BAG3: variants seen among roughly 807,000 people sequenced by gnomAD.
BAG3 encodes the protein BAG cochaperone 3.
A neutral mutation model predicts 40.5 loss-of-function variants in BAG3; 14 were observed. The ratio of observed to expected loss-of-function variants is 0.35; its 90% CI spans 0.23 to 0.54. The LOEUF is 0.54. Ranked by LOEUF, BAG3 falls within the 20% of genes least tolerant of loss-of-function variation. The pLI is 0.91. For synonymous variants in BAG3, 302 were observed against 307.8 expected (o/e 0.98, Z 0.20); for missense variants, 788 against 758.6 (o/e 1.04, Z -0.46).
chr10:119,664,568 G>A (rs937201713), intron 1 of BAG3, among the ~76,000 whole-genome samples: 1 of 152,136 alleles, frequency 6.6e-6, no homozygotes, highest in African/African-American at 2.4e-5. Context: ...GCAGTCATCT[G>A]CTTGGTCACC....
chr10:119,661,956 C>T (rs936907545), intron 1 of BAG3, among the ~76,000 whole-genome samples: 1 of 152,120 alleles, frequency 6.6e-6, no homozygotes, highest in South Asian at 2.1e-4. Flanking sequence ...ATCAAATGGG[C>T]AGTAATACTT....
At position 119,669,893 on chromosome 10, in the gene BAG3, A is replaced by G; in HGVS notation, c.223A>G (p.Arg75Gly). ...SANGPSREGSRLPPAREGHPV... is the reference protein window; with the variant it reads ...SANGPSREGSGLPPAREGHPV... ...CAATGGCCCTTCCCGGGAGGGCTCTAGGCTGCCGCCTGCTAGGGAAGGCCA... is the reference window on the plus strand; with the variant it reads ...CAATGGCCCTTCCCGGGAGGGCTCTGGGCTGCCGCCTGCTAGGGAAGGCCA... Residue 75 changes from arginine (R) to glycine (G), a missense_variant, in exon 2 of 4, where the codon AGG becomes GGG. Physicochemically the swap from Arg to Gly is moderately radical, Grantham distance 125 (BLOSUM62 -2). Coordinates refer to ENST00000369085, the MANE Select transcript of BAG3 (RefSeq NM_004281.4). 6.2e-7 allele frequency: 1 copy of G among 1,614,188 alleles called. No homozygotes were observed. Among genetic ancestry groups the G allele is most frequent in the Non-Finnish European group, 8.5e-7 (1 of 1,180,032 alleles).
intron 1 of BAG3, among the ~76,000 whole-genome samples, chr10:119,659,332 G>T (rs1190698074): frequency 6.6e-6 from 1 of 152,246 alleles, no homozygotes; most frequent in Non-Finnish European, 1.5e-5. Flanking sequence ...TCCCTCAGCT[G>T]TGTCTGTGCA....
At chr10:119,663,554 T>C (rs1184516643) in intron 1 of BAG3, among the ~76,000 whole-genome samples, 1 of 152,100 alleles carries the variant, frequency 6.6e-6, no homozygotes, top group Non-Finnish European at 1.5e-5. Context: ...CCTCAGATGA[T>C]CCACCCGCCT....
intron 1 of BAG3, among the ~76,000 whole-genome samples, chr10:119,659,919 CTTTT>C (rs977233826): frequency 6.7e-6 from 1 of 150,276 alleles, no homozygotes; most frequent in Non-Finnish European, 1.5e-5. Context: ...TGGCTCCGCT[CTTTT>C]TTTTTTCCCC....
At chr10:119,667,874 C>T (rs1847088050) in intron 1 of BAG3, among the ~76,000 whole-genome samples, 1 of 152,230 alleles carries the variant, frequency 6.6e-6, no homozygotes, top group Non-Finnish European at 1.5e-5. Context: ...CTAATGCAGG[C>T]TCCGATTTCG....
rs1458586288 is a variant in BAG3, at chr10:119,677,372, T to C, written c.*90T>C. ...ATTTCAGAGACTTTAAGTCAGTTGG[T>C]TTTTATTAGCTGCTTGGTATGCAGT... On this transcript the variant is annotated 3_prime_UTR_variant, in exon 4 of 4. Transcript: ENST00000369085. 1.3e-6 allele frequency: 2 copies of C among 1,532,536 alleles called. No individual in the cohort carries two copies. Among genetic ancestry groups the C allele is most frequent in the Non-Finnish European group, 1.8e-6 (2 of 1,119,298 alleles). 94.9% of individuals were successfully genotyped at this position (1,532,536 alleles called of 1,614,324 possible).
intron 2 of BAG3, among the ~76,000 whole-genome samples, chr10:119,671,498 G>C (rs1364265978): frequency 6.6e-6 from 1 of 152,174 alleles, no homozygotes; most frequent in Non-Finnish European, 1.5e-5. Context: ...GGCCACACGG[G>C]ATGCTGGCAG....
At position 119,670,307 on chromosome 10, in the gene BAG3, G is replaced by A. The variant is rs1589629132; in HGVS notation, c.507+130G>A. 1.3e-5 allele frequency: 13 copies of A among 1,013,318 alleles called. No homozygotes were observed. The East Asian group carries it at 3.1e-4, about 24-fold the overall frequency. The allele number at this position is 1,013,318 out of a possible 1,614,324, so 62.8% of individuals were successfully genotyped here. A position where few individuals can be genotyped will look rare whatever the true frequency, so the allele number is the denominator to read the frequency against. On this transcript the variant is annotated intron_variant, in intron 2 of 3. Transcript: ENST00000369085. ...CATGCAGGGCATCTGGGTCTAGCCT[G>A]CAGCATCAGAGGTCACCCAGCAAAG...
chr10:119,672,518 C>G lies in BAG3; in HGVS notation c.771C>G (p.Pro257=), dbSNP rs200212999. The G allele has an allele frequency of 1.9e-6, 3 of 1,614,034 alleles. No individual in the cohort carries two copies. The highest frequency in any genetic ancestry group is 2.5e-6 in the Non-Finnish European group (3 of 1,179,932). The part of the protein sequence containing the change: ...YHKIQGDDWE[P]RPLRAASPFR... ...AGATCCAGGGGGATGACTGGGAGCC[C>G]CGGCCCCTGCGGGCGGCATCCCCGT... Residue 257 remains proline (P), a synonymous_variant, in exon 3 of 4, where the codon CCC becomes CCG. Transcript: ENST00000369085. This position sits in a 1 kb window ranked among gnomAD's most constrained non-coding sequence, Gnocchi z 4.8.
At chr10:119,669,773 C>T (rs1370604000) in intron 1 of BAG3, 78 bp from the exon 2 acceptor site, 5 of 1,409,472 alleles carry the variant, frequency 3.5e-6, no homozygotes, top group Admixed American at 1.7e-5. Context: ...CAATGCCAAG[C>T]GCCACAGTGT....
At chr10:119,674,362 A>C (rs1220192998) in intron 3 of BAG3, among the ~76,000 whole-genome samples, 1 of 152,220 alleles carries the variant, frequency 6.6e-6, no homozygotes, top group Non-Finnish European at 1.5e-5. Flanking sequence ...CAATCCTAGG[A>C]GGGTCCCATT....
chr10:119,670,874 C>T (rs1158361215), intron 2 of BAG3, among the ~76,000 whole-genome samples: 2 of 152,184 alleles, frequency 1.3e-5, no homozygotes, highest in African/African-American at 2.4e-5. Flanking sequence ...TAAGTCCTCT[C>T]ATTTTCCTGT....
At chr10:119,656,375 C>CT (rs1564768653) in intron 1 of BAG3, among the ~76,000 whole-genome samples, 4 of 144,658 alleles carry the variant, frequency 2.8e-5, no homozygotes, top group Admixed American at 2.1e-4. Context: ...CTCAGCTGGC[C>CT]TTCTTTTTTT....
chr10:119,655,883 C>A (rs1167671997), intron 1 of BAG3, among the ~76,000 whole-genome samples: 1 of 151,898 alleles, frequency 6.6e-6, no homozygotes, highest in Non-Finnish European at 1.5e-5. Context: ...TACACAGGAC[C>A]TGCGGCAGCG....
At chr10:119,671,290 A>G (rs1031603869) in intron 2 of BAG3, among the ~76,000 whole-genome samples, 2 of 152,224 alleles carry the variant, frequency 1.3e-5, no homozygotes, top group Non-Finnish European at 2.9e-5. Context: ...CCTAGGTGAT[A>G]GAGCGAGACT....
intron 1 of BAG3, among the ~76,000 whole-genome samples, chr10:119,665,092 TTG>T (rs1554876557): frequency 0.041 from 3,643 of 88,036 alleles, 81 homozygotes; most frequent in Middle Eastern, 0.13. Flanking sequence ...TAATTTTTGT[TTG>T]TGTGTGTGTG....
rs372650249 is a variant in BAG3 at position 119,658,656 on chromosome 10, AGCT to A, written c.180+6803_180+6805del. Among the ~76,000 whole-genome samples, 6 of 152,336 alleles carry A rather than the reference AGCT, an allele frequency of 3.9e-5. 2 individuals carry two copies. Among genetic ancestry groups the A allele is most frequent in the African/African-American group, 1.4e-4 (6 of 41,570 alleles). ...ACACATGGATGTTATCACAGTGTACAGCTGTGACAGGAGTAGCAGAAAGGTTAG... is the reference window on the plus strand; with the variant it reads ...ACACATGGATGTTATCACAGTGTACAGTGACAGGAGTAGCAGAAAGGTTAG... On this transcript the variant is annotated intron_variant, in intron 1 of 3. Coordinates refer to ENST00000369085, the MANE Select transcript of BAG3 (RefSeq NM_004281.4).
rs139729856 is a variant in BAG3, at chr10:119,662,628, C to T, written c.181-7223C>T. On this transcript the variant is annotated intron_variant, in intron 1 of 3. Transcript: ENST00000369085. ...CTGCCAAGTCGGAAGTGCTACGAGA[C>T]AGCCCTAAGAGTTGCCTTTGTTACT... is the stretch of plus-strand genomic sequence containing the variant. Among the ~76,000 whole-genome samples the T allele has an allele frequency of 2.4e-3, 367 of 152,282 alleles. 2 individuals are homozygous for T. The highest frequency in any genetic ancestry group is 8.5e-3 in the African/African-American group (354 of 41,570).
Sources: allele counts gnomAD v4.1 joint callset (sites outside exome capture counted in the v4.1 genomes callset), GRCh38; gene constraint gnomAD v4.1.1; non-coding constraint Gnocchi (gnomAD v3.1); transcripts MANE v1.5; gene names NCBI Gene and HGNC (gene_info 2026-07-23, HGNC 2026-07-21).